CAMSAP1: variants seen among roughly 807,000 people sequenced by gnomAD.
The protein encoded by CAMSAP1 is calmodulin regulated spectrin associated protein 1.
In CAMSAP1, 58 loss-of-function variants were observed where a neutral mutation model predicts 143.5. The observed-to-expected ratio is 0.40, with a 90% CI of 0.33 to 0.50. CAMSAP1 has a LOEUF of 0.50. Ranked by LOEUF, CAMSAP1 falls within the 20% of genes least tolerant of loss-of-function variation. CAMSAP1 has a pLI of 0.45. For synonymous variants in CAMSAP1, 945 were observed against 859.3 expected, an observed-to-expected ratio of 1.10 and a Z score of -1.74; for missense variants, 1,969 against 2,115.7, an observed-to-expected ratio of 0.93 and a Z score of 1.36.
intron 14 of CAMSAP1, 26 bp downstream of exon 14, chr9:135,817,951 G>A: frequency 6.2e-7 from 1 of 1,606,296 alleles, no homozygotes; most frequent in Non-Finnish European, 8.5e-7. Flanking sequence ...CCAGCCCCGT[G>A]CCGGCGGCCG....
chr9:135,820,772 T>C lies in CAMSAP1; in HGVS notation c.3822+67A>G. The C allele has an allele frequency of 6.4e-7, 1 of 1,565,452 alleles. No individual in the cohort carries two copies. Among genetic ancestry groups the C allele is most frequent in the Non-Finnish European group, 8.6e-7 (1 of 1,157,908 alleles). ...CAGCCTGGTGCAGATCTGTGTTCTC[T>C]AACTCACTATCACGTGGGGTGGCAA... On this transcript the variant is annotated intron_variant, in intron 11 of 16. Transcript: ENST00000389532. This position sits in a 1 kb window ranked among gnomAD's most constrained non-coding sequence, Gnocchi z 4.4.
chr9:135,878,194 A>G lies in CAMSAP1; in HGVS notation c.585+3439T>C, dbSNP rs562570392. Among the ~76,000 whole-genome samples, 13 of 152,282 alleles carry G rather than the reference A, an allele frequency of 8.5e-5. No individual in the cohort carries two copies. The East Asian group carries it at 2.5e-3, about 29-fold the overall frequency. On this transcript the variant is annotated intron_variant, in intron 3 of 16. Coordinates refer to ENST00000389532, the MANE Select transcript of CAMSAP1 (RefSeq NM_015447.4). ...CCAGGTAGGGACCCCGGCCAGGAGG[A>G]GACGGGTGAGCGGCCTGGAGCAGAG...
chr9:135,874,478 A>AC (rs534724683), intron 3 of CAMSAP1, among the ~76,000 whole-genome samples: 2 of 98,230 alleles, frequency 2.0e-5, no homozygotes, highest in South Asian at 3.8e-4. Flanking sequence ...GTCTCAAAAA[A>AC]GGGGGGGGGG....
chr9:135,829,340 G>GAA (rs58931804), intron 7 of CAMSAP1, among the ~76,000 whole-genome samples: 18 of 134,144 alleles, frequency 1.3e-4, no homozygotes, highest in African/African-American at 3.3e-4. Context: ...CATCTCTACT[G>GAA]AAAAAAAAAA....
Position 135,808,988 on chromosome 9 carries a change from T to C in CAMSAP1, c.*2321A>G, listed in dbSNP as rs2131624767. ...GACACAACGAAAGTTGTGCAAGCTTTCCGCTGAAAGAAATTTGCAACGAGA... is the reference window on the plus strand; with the variant it reads ...GACACAACGAAAGTTGTGCAAGCTTCCCGCTGAAAGAAATTTGCAACGAGA... On this transcript the variant is annotated 3_prime_UTR_variant, in exon 17 of 17. Coordinates refer to ENST00000389532, the MANE Select transcript of CAMSAP1 (RefSeq NM_015447.4). The C allele has an allele frequency of 6.6e-6, 1 of 152,312 alleles. No individual in the cohort carries two copies. The highest frequency in any genetic ancestry group is 2.4e-5 in the African/African-American group (1 of 41,568). 9.4% of individuals were successfully genotyped at this position (152,312 alleles called of 1,614,324 possible).
At chr9:135,812,186 AC>A (rs2131632341) in intron 16 of CAMSAP1, among the ~76,000 whole-genome samples, 1 of 152,350 alleles carries the variant, frequency 6.6e-6, no homozygotes, top group East Asian at 1.9e-4. Flanking sequence ...AAAAGTAGAA[AC>A]GAAAATATCA....
intron 7 of CAMSAP1, among the ~76,000 whole-genome samples, chr9:135,830,978 C>A (rs994799307): frequency 6.6e-6 from 1 of 152,054 alleles, no homozygotes; most frequent in Non-Finnish European, 1.5e-5. Flanking sequence ...CAAGACCAGC[C>A]TGGCCAACAC....
intron 1 of CAMSAP1, among the ~76,000 whole-genome samples, chr9:135,904,204 A>G (rs1411473480): frequency 6.6e-6 from 1 of 152,066 alleles, no homozygotes; most frequent in East Asian, 1.9e-4. Context: ...TTTTACAAAA[A>G]TAAAAACTGT....
chr9:135,898,535 A>T (rs1838523546), intron 1 of CAMSAP1, among the ~76,000 whole-genome samples: 1 of 152,132 alleles, frequency 6.6e-6, no homozygotes, highest in South Asian at 2.1e-4. Flanking sequence ...TTAACTCAAA[A>T]CTAAAATTTA....
chr9:135,816,487 AG>A (rs1461716280), intron 14 of CAMSAP1, among the ~76,000 whole-genome samples: 1 of 152,236 alleles, frequency 6.6e-6, no homozygotes, highest in Non-Finnish European at 1.5e-5. Flanking sequence ...TCCACCCTGC[AG>A]GGAAGTCTCC....
chr9:135,857,650 G>A (rs1344855919), intron 5 of CAMSAP1, among the ~76,000 whole-genome samples: 1 of 152,176 alleles, frequency 6.6e-6, no homozygotes. Context: ...TTCCTCAAAT[G>A]TCAGGAATCT....
rs1838808816 is a variant in CAMSAP1, at chr9:135,907,103, C to T, written c.57G>A (p.Pro19=). Residue 19 remains proline, a synonymous_variant, in exon 1 of 17, where the codon CCG becomes CCA. Coordinates refer to ENST00000389532, the MANE Select transcript of CAMSAP1 (RefSeq NM_015447.4). The stretch of plus-strand genomic sequence containing the variant: ...GCACGAGGTCGGCGGCGCCGTCCGG[C>T]GGGGCCTCCATCTTCCTCCAGCCCT... ...AAEGWRKMEA[P]PDGAADLVPL... 2 of 1,141,378 alleles carry T rather than the reference C, an allele frequency of 1.8e-6. No homozygotes were observed. The highest frequency in any genetic ancestry group is 2.2e-6 in the Non-Finnish European group (2 of 926,494). The allele number at this position is 1,141,378 out of a possible 1,614,324, so 70.7% of individuals were successfully genotyped here. A position where few individuals can be genotyped will look rare whatever the true frequency, so the allele number is the denominator to read the frequency against.
chr9:135,846,596 T>C (rs1014481374), intron 7 of CAMSAP1, among the ~76,000 whole-genome samples: 4 of 138,290 alleles, frequency 2.9e-5, no homozygotes, highest in African/African-American at 5.5e-5. Flanking sequence ...ACAGGCAACC[T>C]ACAGAAGGGA....
chr9:135,839,470 AG>A (rs1836261118), intron 7 of CAMSAP1, among the ~76,000 whole-genome samples: 1 of 152,214 alleles, frequency 6.6e-6, no homozygotes, highest in Non-Finnish European at 1.5e-5. Context: ...CATGGCCTAC[AG>A]GTATCAGTGG....
At chr9:135,889,674 T>A (rs1339169776) in intron 1 of CAMSAP1, among the ~76,000 whole-genome samples, 4 of 152,222 alleles carry the variant, frequency 2.6e-5, no homozygotes, top group Non-Finnish European at 5.9e-5. Context: ...GAGACCTCAC[T>A]GGGCCAGGAG....
intron 10 of CAMSAP1, among the ~76,000 whole-genome samples, 156 bp downstream of exon 10, chr9:135,823,784 CAGAGAGGCAG>C (rs1433672518): frequency 5.3e-5 from 8 of 152,074 alleles, no homozygotes; most frequent in African/African-American, 1.7e-4. Flanking sequence ...AGTGAGGCTG[CAGAGAGGCAG>C]TAACTTCCTA....
intron 3 of CAMSAP1, among the ~76,000 whole-genome samples, chr9:135,871,512 AT>A (rs1837570183): frequency 6.6e-6 from 1 of 152,146 alleles, no homozygotes; most frequent in African/African-American, 2.4e-5. Context: ...AAAAATAGTC[AT>A]TTTTCACTAA....
rs1432275458 is a variant in CAMSAP1, at chr9:135,815,139, C to T, written c.4464G>A (p.Leu1488=). 6.2e-7 allele frequency: 1 copy of T among 1,613,760 alleles called. No homozygotes were observed. The highest frequency in any genetic ancestry group is 1.3e-5 in the African/African-American group (1 of 74,914). The change falls in exon 16 of 17, where the codon CTG becomes CTA. Residue 1488 remains leucine (L), a synonymous_variant. Transcript: ENST00000389532. Reference sequence around the variant, plus strand: ...TGTGGGGTTCGTTCACTTTTCCAGCCAGGCAGCAATGGGATATGGCATTGT... The same window carrying T: ...TGTGGGGTTCGTTCACTTTTCCAGCTAGGCAGCAATGGGATATGGCATTGT... ...IIHNAISHCC[L]AGKVNEPHKN...
At chr9:135,835,952 C>G (rs866774421) in intron 7 of CAMSAP1, among the ~76,000 whole-genome samples, 2 of 152,176 alleles carry the variant, frequency 1.3e-5, no homozygotes, top group African/African-American at 2.4e-5. Context: ...TGCTCTCCAG[C>G]CTGGGTGACA....
Sources: allele counts gnomAD v4.1 joint callset (sites outside exome capture counted in the v4.1 genomes callset), GRCh38; gene constraint gnomAD v4.1.1; non-coding constraint Gnocchi (gnomAD v3.1); transcripts MANE v1.5; gene names NCBI Gene and HGNC (gene_info 2026-07-23, HGNC 2026-07-21).